Variants in ANKMY1 observed in about 807,000 individuals in gnomAD.
ANKMY1 encodes the protein ankyrin repeat and MYND domain containing 1.
ANKMY1 carries 98 observed loss-of-function variants against 102.0 expected under a neutral mutation model. The observed-to-expected ratio is 0.96, with a 90% CI of 0.82 to 1.14. The LOEUF is 1.14. Ranked by LOEUF, ANKMY1 falls within the 50% of genes most tolerant of loss-of-function variation. The pLI is 0.00. For missense variants in ANKMY1, 1,330 were observed against 1,347.6 expected, an observed-to-expected ratio of 0.99 and a Z score of 0.20; for synonymous variants, 582 against 559.9, an observed-to-expected ratio of 1.04 and a Z score of -0.56.
chr2:240,552,765 A>T, intron 4 of ANKMY1, 149 bp downstream of exon 4: 1 of 1,253,334 alleles, frequency 8.0e-7, no homozygotes, highest in Non-Finnish European at 1.1e-6. Flanking sequence ...CTATATCCTT[A>T]TTATTGGTAC....
chr2:240,500,140 G>T lies in ANKMY1; in HGVS notation c.2641-17C>A. On this transcript the variant is annotated splice_polypyrimidine_tract_variant and intron_variant, in intron 14 of 17. Coordinates refer to ENST00000401804, the MANE Select transcript of ANKMY1 (RefSeq NM_001282771.3). ...CCTCCGGTCCTGCGGCACAGCACCA[G>T]GGTCACCACAGGGTCCCGGGCCCGC... The T allele has an allele frequency of 6.3e-7, 1 of 1,580,140 alleles. No homozygotes were observed. Among genetic ancestry groups the T allele is most frequent in the East Asian group, 2.3e-5 (1 of 43,012 alleles).
At chr2:240,473,144 A>C in the ANKMY1 span, among the ~76,000 whole-genome samples, 13 of 150,924 alleles carry the variant, frequency 8.6e-5, no homozygotes, top group Admixed American at 3.3e-4. Flanking sequence ...AAAAAACAAA[A>C]AAAACCACCA....
At chr2:240,504,477 C>T (rs555365008) in intron 13 of ANKMY1, among the ~76,000 whole-genome samples, 1 of 152,134 alleles carries the variant, frequency 6.6e-6, no homozygotes, top group African/African-American at 2.4e-5. Flanking sequence ...AGCTGGACTT[C>T]ATGAAAATTA....
At chr2:240,526,747 C>T in intron 5 of ANKMY1, 2 of 1,310,912 alleles carry the variant, frequency 1.5e-6, no homozygotes, top group Non-Finnish European at 2.0e-6. Flanking sequence ...TGGGTGTTTG[C>T]TAAGAAATGG....
intron 3 of ANKMY1, chr2:240,554,663 T>C (rs1425530141): frequency 1.7e-6 from 1 of 593,240 alleles, no homozygotes; most frequent in Non-Finnish European, 2.9e-6. Flanking sequence ...AACCTCATCC[T>C]GGGACCCCAG....
chr2:240,499,980 C>G lies in ANKMY1; in HGVS notation c.2784G>C (p.Thr928=). The G allele has an allele frequency of 6.2e-7, 1 of 1,612,812 alleles. No homozygotes were observed. Among genetic ancestry groups the G allele is most frequent in the East Asian group, 2.2e-5 (1 of 44,890 alleles). The change falls in exon 15 of 18, where the codon ACG becomes ACC. Residue 928 remains threonine (T), a synonymous_variant. Transcript: ENST00000401804. This position sits in a 1 kb window ranked among gnomAD's most constrained non-coding sequence, Gnocchi z 4.2. The part of the protein sequence containing the change: ...VFAKESQWDP[T]WLYLCKRAEL... The stretch of plus-strand genomic sequence containing the variant: ...CACCTCTCTTGCACAGGTACAGCCA[C>G]GTGGGGTCCCACTGGCTCTCCTTGG...
chr2:240,488,909 G>A (rs976262686), intron 15 of ANKMY1, among the ~76,000 whole-genome samples: 2 of 152,156 alleles, frequency 1.3e-5, no homozygotes, highest in African/African-American at 2.4e-5. Context: ...AATATCATCA[G>A]CAAAGAGGGA....
intron 9 of ANKMY1, among the ~76,000 whole-genome samples, chr2:240,516,662 T>C (rs1368773708): frequency 2.6e-5 from 4 of 152,238 alleles, no homozygotes; most frequent in African/African-American, 9.6e-5. Flanking sequence ...CAAAGTGACT[T>C]ACAATCAATC....
At position 240,511,911 on chromosome 2, in the gene ANKMY1, C is replaced by G. The variant is rs768979215; in HGVS notation, c.2236G>C (p.Gly746Arg). ...YSTDTALPEEGGRTALHMACE... is the reference protein window; with the variant it reads ...YSTDTALPEERGRTALHMACE... ...GCCATGTGCAGAGCCGTCCTGCCCC[C>G]CTCCTCCGGGAGGGCTGTGTCCGTG... Residue 746 changes from glycine (G) to arginine (R), a missense_variant, in exon 11 of 18, where the codon GGG becomes CGG. Transcript: ENST00000401804. 5 of 1,584,444 alleles carry G rather than the reference C, an allele frequency of 3.2e-6. No individual in the cohort carries two copies. The Admixed American group carries it at 5.3e-5, about 17-fold the overall frequency.
rs889321721 is a variant in ANKMY1 at position 240,520,162 on chromosome 2, C to T, written c.2004+200G>A. 1 of 864,020 alleles carries T rather than the reference C, an allele frequency of 1.2e-6. No homozygotes were observed. Among genetic ancestry groups the T allele is most frequent in the Admixed American group, 2.0e-5 (1 of 50,058 alleles). 53.5% of individuals were successfully genotyped at this position (864,020 alleles called of 1,614,324 possible). A position where few individuals can be genotyped will look rare whatever the true frequency, so the allele number is the denominator to read the frequency against. Reference sequence around the variant, plus strand: ...AGTACTCTAAAAACTAGCTCGGTGTCCAAATCCTGTCTGGGGACATGGGTG... The same window carrying T: ...AGTACTCTAAAAACTAGCTCGGTGTTCAAATCCTGTCTGGGGACATGGGTG... On this transcript the variant is annotated intron_variant, in intron 9 of 17. Coordinates refer to ENST00000401804, the MANE Select transcript of ANKMY1 (RefSeq NM_001282771.3). This position sits in a 1 kb window ranked among gnomAD's most constrained non-coding sequence, Gnocchi z 4.8.
At chr2:240,517,953 A>T (rs2081477315) in intron 9 of ANKMY1, among the ~76,000 whole-genome samples, 1 of 152,048 alleles carries the variant, frequency 6.6e-6, no homozygotes, top group African/African-American at 2.4e-5. Flanking sequence ...TTAGAAAAAA[A>T]CTCTAGTATC....
intron 11 of ANKMY1, among the ~76,000 whole-genome samples, chr2:240,510,214 CCCTCCCTG>C (rs1355151620): frequency 1.6e-5 from 2 of 122,784 alleles, no homozygotes; most frequent in Non-Finnish European, 3.5e-5. Flanking sequence ...CTAGTCCGTG[CCCTCCCTG>C]CCTCCCTGCC....
intron 2 of ANKMY1, among the ~76,000 whole-genome samples, chr2:240,555,914 GACC>G (rs2092297185): frequency 6.6e-6 from 1 of 152,054 alleles, no homozygotes; most frequent in Admixed American, 6.6e-5. Flanking sequence ...GAGCATCTGA[GACC>G]CCCACAGATG....
intron 14 of ANKMY1, 26 bp from the exon 15 acceptor site, chr2:240,500,149 C>T (rs969656172): frequency 3.2e-6 from 5 of 1,559,662 alleles, no homozygotes; most frequent in East Asian, 4.8e-5. Flanking sequence ...AGGGTCACCA[C>T]AGGGTCCCGG....
Position 240,508,144 on chromosome 2 carries a change from G to T in ANKMY1, c.2395-453C>A, listed in dbSNP as rs148899369. ...AGTGTCAATGTGACCACTCGGCCAGGCACAGAAAGAGGCACACCTCCCTTC... is the reference window on the plus strand; with the variant it reads ...AGTGTCAATGTGACCACTCGGCCAGTCACAGAAAGAGGCACACCTCCCTTC... On this transcript the variant is annotated intron_variant, in intron 12 of 17. Coordinates refer to ENST00000401804, the MANE Select transcript of ANKMY1 (RefSeq NM_001282771.3). 1.8e-4 allele frequency among the ~76,000 whole-genome samples: 28 copies of T among 152,364 alleles called. No individual in the cohort carries two copies. The East Asian group carries it at 5.2e-3, about 28-fold the overall frequency.
chr2:240,555,168 G>A (rs959670021), intron 2 of ANKMY1, 113 bp from the exon 3 acceptor site: 22 of 1,172,562 alleles, frequency 1.9e-5, no homozygotes, highest in South Asian at 8.5e-5. Context: ...CCACAGTCCC[G>A]GGGCAGGTGC....
Position 240,509,449 on chromosome 2 carries a change from T to C in ANKMY1, c.2293A>G (p.Arg765Gly). 1.2e-6 allele frequency: 2 copies of C among 1,611,520 alleles called. No homozygotes were observed. The highest frequency in any genetic ancestry group is 8.5e-7 in the Non-Finnish European group (1 of 1,178,680). Residue 765 changes from arginine to glycine, a missense_variant, in exon 12 of 18, where the codon AGG becomes GGG. Transcript: ENST00000401804. ...CEREDDNKCA[R>G]DIVRLLLSHG... ...GATAGAAGGAGCCGGACTATGTCCC[T>C]GGCACACTGGGTGGGGAGAAATGAC... is the stretch of plus-strand genomic sequence containing the variant.
rs1398123481 is a variant in ANKMY1 at position 240,526,725 on chromosome 2, C to T, written c.954-280G>A. ...GCTGGCTGCGAGTACATCCATGCATCTCTGATTCATCTGGGTGTTTGCTAA... is the reference window on the plus strand; with the variant it reads ...GCTGGCTGCGAGTACATCCATGCATTTCTGATTCATCTGGGTGTTTGCTAA... On this transcript the variant is annotated intron_variant, in intron 5 of 17. Coordinates refer to ENST00000401804, the MANE Select transcript of ANKMY1 (RefSeq NM_001282771.3). 6 of 1,355,136 alleles carry T rather than the reference C, an allele frequency of 4.4e-6. No homozygotes were observed. The African/African-American group carries it at 8.8e-5, about 20-fold the overall frequency. 83.9% of individuals were successfully genotyped at this position (1,355,136 alleles called of 1,614,324 possible).
downstream of ANKMY1, among the ~76,000 whole-genome samples, chr2:240,478,614 G>A (rs374037784): frequency 1.7e-4 from 26 of 152,146 alleles, no homozygotes; most frequent in South Asian, 1.5e-3. Flanking sequence ...GCCACCCAGC[G>A]GTCAGCTTGT....
Sources: gnomAD v4.1 joint callset for allele counts (sites outside exome capture counted in the v4.1 genomes callset) on GRCh38, gnomAD v4.1.1 for gene constraint, Gnocchi (gnomAD v3.1) non-coding constraint, MANE v1.5 for transcripts, NCBI Gene and HGNC (gene_info 2026-07-23, HGNC 2026-07-21) for gene names.